The following IRAG1 variants were observed in gnomAD, a reference collection of about 807,000 sequenced individuals.
IRAG1 encodes IP3R-associated cGMP kinase substrate.
A neutral mutation model predicts 106.2 loss-of-function variants in IRAG1; 62 were observed. The ratio of observed to expected loss-of-function variants is 0.58; its 90% CI spans 0.48 to 0.72. IRAG1 has a LOEUF of 0.72. Among genes scored for constraint, IRAG1 ranks in the 30% least tolerant of loss-of-function variants. The pLI is 0.00. For missense variants in IRAG1, 1,064 were observed against 1,140.7 expected, an observed-to-expected ratio of 0.93 and a Z score of 0.97; for synonymous variants, 462 against 443.9, an observed-to-expected ratio of 1.04 and a Z score of -0.51.
In IRAG1 at chr11:10,576,353, A is replaced by C. The variant is rs528415014; in HGVS notation, c.2718T>G (p.His906Gln). 6.2e-7 allele frequency: 1 copy of C among 1,613,882 alleles called. No individual in the cohort carries two copies. Among genetic ancestry groups the C allele is most frequent in the Admixed American group, 1.7e-5 (1 of 60,008 alleles). The change falls in exon 21 of 21, where the codon CAT (histidine) becomes CAG (glutamine). Residue 906 changes from histidine (H) to glutamine (Q), a missense_variant. Transcript: ENST00000423302. ...TTTCCTACTGCTCTGTAGGCTGCTC[A>C]TGCTGGAGTCCTGAGCTCCACCAGG... ...RDSWWSSGLQ[H>Q]EQPTEQ is the part of the protein sequence containing the mutation.
Position 10,626,207 on chromosome 11 carries a change from G to C in IRAG1, c.1127C>G (p.Ser376Cys). ...AGEPMGPEAG[S>C]KAELPPTVSR... ...CACAGTGGGTGGAAGCTCAGCTTTGGAGCCAGCCTCGGGCCCCATCGGCTC... is the reference window on the plus strand; with the variant it reads ...CACAGTGGGTGGAAGCTCAGCTTTGCAGCCAGCCTCGGGCCCCATCGGCTC... The change falls in exon 9 of 21, where the codon TCC (serine) becomes TGC (cysteine). Residue 376 changes from serine to cysteine, a missense_variant. Transcript: ENST00000423302. 1 of 1,580,328 alleles carries C rather than the reference G, an allele frequency of 6.3e-7. No homozygotes were observed. Among genetic ancestry groups the C allele is most frequent in the Non-Finnish European group, 8.6e-7 (1 of 1,161,066 alleles).
chr11:10,675,395 C>A (rs1860576021), intron 1 of IRAG1, among the ~76,000 whole-genome samples: 1 of 152,186 alleles, frequency 6.6e-6, no homozygotes, highest in Non-Finnish European at 1.5e-5. Flanking sequence ...TAATTCATGC[C>A]TGCCACTTGC....
Position 10,580,578 on chromosome 11 carries a change from C to A in IRAG1, c.2372G>T (p.Gly791Val), listed in dbSNP as rs767840327. 2 of 1,613,226 alleles carry A rather than the reference C, an allele frequency of 1.2e-6. No individual in the cohort carries two copies. The highest frequency in any genetic ancestry group is 1.3e-5 in the African/African-American group (1 of 74,898). ...EEAYSKGFQE[G>V]LKKTKELQDL... ...TTGAAGTTCTTTGGTCTTCTTTAGA[C>A]CTTCTTGGAATCTGGGGGGCAAAAA... Residue 791 changes from glycine to valine, a missense_variant, in exon 20 of 21, where the codon GGT becomes GTT. By Grantham distance (109) the Gly-to-Val change is moderately radical. Transcript: ENST00000423302.
chr11:10,630,035 T>C (rs1286012525), intron 4 of IRAG1: 3 of 282,994 alleles, frequency 1.1e-5, no homozygotes, highest in Non-Finnish European at 2.0e-5. Flanking sequence ...CCCAGTGCAT[T>C]CTTGCTTCTG....
At chr11:10,618,612 C>T (rs1430672526) in intron 10 of IRAG1, among the ~76,000 whole-genome samples, 1 of 152,098 alleles carries the variant, frequency 6.6e-6, no homozygotes, top group Non-Finnish European at 1.5e-5. Context: ...AAACCCTTCC[C>T]AAGAAAAGTG....
rs112673356 is a variant in IRAG1, at chr11:10,672,016, T to C, written c.68-19834A>G. Reference sequence around the variant, plus strand: ...ATACAAGAAGAGACATACACATCAATGCAACAGACTTGAGAGTTCATACAT... The same window carrying C: ...ATACAAGAAGAGACATACACATCAACGCAACAGACTTGAGAGTTCATACAT... On this transcript the variant is annotated intron_variant, in intron 1 of 20. Coordinates refer to ENST00000423302, the MANE Select transcript of IRAG1 (RefSeq NM_130385.4). Among the ~76,000 whole-genome samples the C allele has an allele frequency of 9.3e-3, 1,410 of 152,298 alleles. 23 individuals are homozygous for C. Among genetic ancestry groups the C allele is most frequent in the African/African-American group, 0.033 (1,357 of 41,556 alleles).
chr11:10,663,186 A>T (rs764946473), intron 1 of IRAG1, among the ~76,000 whole-genome samples: 11 of 152,184 alleles, frequency 7.2e-5, no homozygotes, highest in Non-Finnish European at 1.6e-4. Flanking sequence ...AAATAAAAAT[A>T]AAGCTTCCTT....
At chr11:10,644,547 T>G (rs1292348160) in intron 2 of IRAG1, among the ~76,000 whole-genome samples, 1 of 152,166 alleles carries the variant, frequency 6.6e-6, no homozygotes, top group Non-Finnish European at 1.5e-5. Flanking sequence ...CTGCCTGTTT[T>G]CTCATCTATA....
At position 10,659,274 on chromosome 11, in the gene IRAG1, A is replaced by G. The variant is rs1859210151; in HGVS notation, c.68-7092T>C. Among the ~76,000 whole-genome samples the G allele has an allele frequency of 6.6e-6, 1 of 152,180 alleles. No individual in the cohort carries two copies. Among genetic ancestry groups the G allele is most frequent in the Non-Finnish European group, 1.5e-5 (1 of 68,016 alleles). ...AACAAGTGGGTAAGTGAGTGACTGA[A>G]GGGGGTACAGCCACCCCCCAGTGTG... On this transcript the variant is annotated intron_variant, in intron 1 of 20. Transcript: ENST00000423302. The surrounding 1 kb of genome is among the most constrained non-coding windows in gnomAD (Gnocchi z 4.1).
intron 1 of IRAG1, among the ~76,000 whole-genome samples, chr11:10,677,027 G>A (rs947953863): frequency 1.7e-4 from 26 of 152,130 alleles, no homozygotes; most frequent in African/African-American, 5.8e-4. Context: ...CCACTGCCTG[G>A]AGATCATGTC....
At chr11:10,600,040 CTGTT>C (rs1223950952) in intron 15 of IRAG1, 1 of 152,238 alleles carries the variant, frequency 6.6e-6, no homozygotes, top group Non-Finnish European at 1.5e-5. Flanking sequence ...CTATGACAAA[CTGTT>C]TGTTTCATCT....
At chr11:10,601,520 C>T (rs149741953) in intron 14 of IRAG1, among the ~76,000 whole-genome samples, 73 of 152,230 alleles carry the variant, frequency 4.8e-4, no homozygotes, top group African/African-American at 1.6e-3. Flanking sequence ...AAGAAAGGCA[C>T]GACGACAAAT....
chr11:10,639,946 A>G (rs1329405938), intron 2 of IRAG1, among the ~76,000 whole-genome samples: 1 of 152,188 alleles, frequency 6.6e-6, no homozygotes, highest in Non-Finnish European at 1.5e-5. Context: ...GCAAACATTT[A>G]TTGAATGCCT....
At chr11:10,622,896 C>CACACACACACACACACACACACAT (rs543628217) in intron 10 of IRAG1, among the ~76,000 whole-genome samples, 2,125 of 152,034 alleles carry the variant, frequency 0.014, 22 homozygotes, top group South Asian at 0.024. Flanking sequence ...CACACACACA[C>CACACACACACACACACACACACAT]ACACACTCCT....
intron 1 of IRAG1, among the ~76,000 whole-genome samples, chr11:10,684,646 T>TAAA (rs1238546237): frequency 5.0e-5 from 7 of 141,152 alleles, no homozygotes; most frequent in Admixed American, 1.5e-4. Flanking sequence ...ATAATAATAA[T>TAAA]AAAGAGAAAA....
chr11:10,633,907 G>C, intron 3 of IRAG1, 61 bp downstream of exon 3: 2 of 937,772 alleles, frequency 2.1e-6, no homozygotes, highest in South Asian at 3.7e-5. Context: ...AAATATAGCT[G>C]TCTGATCCTC....
chr11:10,580,467 C>A lies in IRAG1; in HGVS notation c.2483G>T (p.Gly828Val). ...EVEETEEEEK[G>V]PRSSKLEELV... ...ACAGGCTTCCCACCTGCTTCTTGGG[C>A]CCTTTTCCTCTTCCTCAGTTTCTTC... The change falls in exon 20 of 21, where the codon GGC (glycine) becomes GTC (valine). Residue 828 changes from glycine to valine, a missense_variant. Physicochemically the swap from Gly to Val is moderately radical, Grantham distance 109. Transcript: ENST00000423302. 2 of 1,612,812 alleles carry A rather than the reference C, an allele frequency of 1.2e-6. No individual in the cohort carries two copies. Among genetic ancestry groups the A allele is most frequent in the South Asian group, 2.2e-5 (2 of 90,870 alleles).
At chr11:10,691,353 G>A (rs910737420) in intron 1 of IRAG1, among the ~76,000 whole-genome samples, 13 of 152,236 alleles carry the variant, frequency 8.5e-5, no homozygotes, top group Non-Finnish European at 1.9e-4. Flanking sequence ...TGCTCCTCCA[G>A]GAGGTGTGGG....
At chr11:10,580,163 C>T (rs77069521) in intron 20 of IRAG1, among the ~76,000 whole-genome samples, 1 of 152,152 alleles carries the variant, frequency 6.6e-6, no homozygotes, top group Non-Finnish European at 1.5e-5. Context: ...CATTCAGGGC[C>T]CTTCGCCCTT....
Sources: gnomAD v4.1 joint callset for allele counts (sites outside exome capture counted in the v4.1 genomes callset) on GRCh38, gnomAD v4.1.1 for gene constraint, Gnocchi (gnomAD v3.1) non-coding constraint, MANE v1.5 for transcripts, NCBI Gene and HGNC (gene_info 2026-07-23, HGNC 2026-07-21) for gene names.